The following TMEM117 variants were observed in gnomAD, a reference collection of about 807,000 sequenced individuals.
TMEM117 encodes transmembrane protein 117.
In TMEM117, 27 loss-of-function variants were observed where a neutral mutation model predicts 52.4. The observed-to-expected ratio is 0.51, with a 90% CI of 0.38 to 0.71. TMEM117 has a LOEUF of 0.71. Ranked by LOEUF, TMEM117 falls within the 30% of genes least tolerant of loss-of-function variation. TMEM117 has a pLI of 0.00. For missense variants in TMEM117, 556 were observed against 630.5 expected, an observed-to-expected ratio of 0.88 and a Z score of 1.26; for synonymous variants, 215 against 206.3, an observed-to-expected ratio of 1.04 and a Z score of -0.36.
intron 3 of TMEM117, among the ~76,000 whole-genome samples, chr12:44,030,437 A>G (rs1320754813): frequency 6.6e-6 from 1 of 152,208 alleles, no homozygotes; most frequent in Non-Finnish European, 1.5e-5. Context: ...CACCTAGTAC[A>G]TAATTAAAAT....
intron 3 of TMEM117, among the ~76,000 whole-genome samples, chr12:44,015,665 G>A (rs978691551): frequency 6.6e-6 from 1 of 151,958 alleles, no homozygotes; most frequent in African/African-American, 2.4e-5. Context: ...TTAACTCTTC[G>A]GAATTCAGGA....
the TMEM117 span, among the ~76,000 whole-genome samples, chr12:43,803,754 AT>A: frequency 2.0e-5 from 3 of 152,096 alleles, no homozygotes; most frequent in Non-Finnish European, 4.4e-5. Context: ...CTATTCTGGT[AT>A]TTTTTATATA....
At chr12:44,160,629 A>G (rs1050023196) in intron 4 of TMEM117, among the ~76,000 whole-genome samples, 3 of 151,798 alleles carry the variant, frequency 2.0e-5, no homozygotes, top group Non-Finnish European at 2.9e-5. Flanking sequence ...ATAGCAAGAC[A>G]CTGGCTCCAC....
chr12:44,222,206 C>A (rs982816029), intron 5 of TMEM117, among the ~76,000 whole-genome samples: 2 of 152,282 alleles, frequency 1.3e-5, no homozygotes, highest in African/African-American at 2.4e-5. Context: ...CCCCTCCCTT[C>A]AGGTCCCCAC....
At chr12:43,938,645 TTAGTTAAAC>T (rs1944992804) in intron 2 of TMEM117, among the ~76,000 whole-genome samples, 1 of 152,154 alleles carries the variant, frequency 6.6e-6, no homozygotes, top group Non-Finnish European at 1.5e-5. Flanking sequence ...TTCTATGCCT[TTAGTTAAAC>T]TAGTTCTACA....
At chr12:44,367,574 T>C (rs1447155901) in intron 6 of TMEM117, among the ~76,000 whole-genome samples, 2 of 152,092 alleles carry the variant, frequency 1.3e-5, no homozygotes, top group African/African-American at 4.8e-5. Flanking sequence ...TGGCTTTCTA[T>C]GCTCCCTTTC....
chr12:44,216,005 CTT>C (rs778425747), intron 5 of TMEM117, among the ~76,000 whole-genome samples: 8 of 110,810 alleles, frequency 7.2e-5, no homozygotes, highest in African/African-American at 1.2e-4. Flanking sequence ...TTCTTTCTTT[CTT>C]TTTTTTTTTT....
chr12:44,313,780 C>T (rs999710077), intron 6 of TMEM117, among the ~76,000 whole-genome samples: 3 of 151,962 alleles, frequency 2.0e-5, no homozygotes, highest in Non-Finnish European at 4.4e-5. Flanking sequence ...TGATTTTTTT[C>T]AGCAGTGTTT....
At chr12:44,268,461 CA>C (rs1442116977) in intron 5 of TMEM117, among the ~76,000 whole-genome samples, 2 of 151,842 alleles carry the variant, frequency 1.3e-5, no homozygotes, top group Non-Finnish European at 2.9e-5. Context: ...GTCTTTTGTT[CA>C]GGGGAGAAAT....
At chr12:44,197,636 A>G (rs911496390) in intron 4 of TMEM117, among the ~76,000 whole-genome samples, 20 of 152,106 alleles carry the variant, frequency 1.3e-4, no homozygotes, top group South Asian at 6.2e-4. Context: ...GGGGCACATC[A>G]TATTTATTTG....
At chr12:44,124,172 A>T (rs1948284218) in intron 3 of TMEM117, among the ~76,000 whole-genome samples, 1 of 152,030 alleles carries the variant, frequency 6.6e-6, no homozygotes, top group African/African-American at 2.4e-5. Flanking sequence ...ACAATTGTGA[A>T]TGGGAGTTCA....
At chr12:44,105,963 A>G (rs1947946134) in intron 3 of TMEM117, among the ~76,000 whole-genome samples, 2 of 152,074 alleles carry the variant, frequency 1.3e-5, no homozygotes, top group Admixed American at 1.3e-4. Flanking sequence ...GTACCTTTCT[A>G]TGACTTGCTC....
intron 6 of TMEM117, among the ~76,000 whole-genome samples, chr12:44,361,613 G>A (rs1045758856): frequency 3.9e-5 from 6 of 152,036 alleles, no homozygotes; most frequent in South Asian, 2.1e-4. Flanking sequence ...TTCCCACCGC[G>A]CATCTACTAT....
intron 3 of TMEM117, among the ~76,000 whole-genome samples, chr12:44,063,433 A>G (rs976998974): frequency 6.6e-6 from 1 of 152,144 alleles, no homozygotes; most frequent in Non-Finnish European, 1.5e-5. Context: ...ATGTGGTTAA[A>G]TAGAATCCAA....
chr12:44,374,616 T>TTTTG (rs1555159976), intron 6 of TMEM117, among the ~76,000 whole-genome samples: 1 of 144,806 alleles, frequency 6.9e-6, no homozygotes, highest in Non-Finnish European at 1.5e-5. Flanking sequence ...AAGGAACTAT[T>TTTTG]TGTGTGTGTG....
intron 3 of TMEM117, among the ~76,000 whole-genome samples, chr12:44,118,656 TG>T (rs1948185596): frequency 6.6e-6 from 1 of 152,204 alleles, no homozygotes; most frequent in Non-Finnish European, 1.5e-5. Flanking sequence ...TAAGGATTTT[TG>T]TGTGTGTGTT....
chr12:44,098,669 G>C (rs891727590), intron 3 of TMEM117, among the ~76,000 whole-genome samples: 1 of 152,032 alleles, frequency 6.6e-6, no homozygotes, highest in South Asian at 2.1e-4. Flanking sequence ...GAGTCTGAAG[G>C]CTGGGAGCCA....
At chr12:43,853,468 G>A (rs1176646017) in intron 2 of TMEM117, among the ~76,000 whole-genome samples, 1 of 152,038 alleles carries the variant, frequency 6.6e-6, no homozygotes, top group East Asian at 1.9e-4. Context: ...TAGAGACAGG[G>A]TATCACCACG....
At chr12:43,981,501 T>C (rs1180879527) in intron 3 of TMEM117, among the ~76,000 whole-genome samples, 2 of 152,184 alleles carry the variant, frequency 1.3e-5, no homozygotes, top group Non-Finnish European at 2.9e-5. Context: ...CTAAAGTGCC[T>C]GCTTTGTTGG....
Sources: gnomAD v4.1 joint callset for allele counts (sites outside exome capture counted in the v4.1 genomes callset) on GRCh38, gnomAD v4.1.1 for gene constraint, MANE v1.5 for transcripts, NCBI Gene and HGNC (gene_info 2026-07-23, HGNC 2026-07-21) for gene names.